BARD1: variants seen among roughly 807,000 people sequenced by gnomAD.
BARD1 encodes the protein BRCA1-associated RING domain protein 1.
In BARD1, 73 loss-of-function variants were observed where a neutral mutation model predicts 77.0. That is an observed-to-expected ratio of 0.95 (90% CI 0.79 to 1.15). The LOEUF is 1.15. Among genes scored for constraint, BARD1 ranks in the 50% most tolerant of loss-of-function variants. The probability of loss-of-function intolerance (pLI) is 0.00; values close to 1 mark genes in which losing one functional copy is unlikely to be tolerated. For synonymous variants in BARD1, 384 were observed against 338.0 expected (o/e 1.14, Z -1.49); for missense variants, 993 against 938.8 (o/e 1.06, Z -0.75).
chr2:214,800,553 G>A (rs1695971238), intron 1 of BARD1, among the ~76,000 whole-genome samples: 1 of 152,070 alleles, frequency 6.6e-6, no homozygotes. Context: ...TGTATCTTTA[G>A]AAAAACTTTT....
intron 7 of BARD1, among the ~76,000 whole-genome samples, chr2:214,747,944 C>CT (rs537280288): frequency 2.0e-4 from 31 of 151,700 alleles, no homozygotes; most frequent in African/African-American, 7.5e-4. Flanking sequence ...TTCAATTACT[C>CT]TTTGATAATA....
At chr2:214,778,603 C>T in intron 4 of BARD1, among the ~76,000 whole-genome samples, 1 of 152,068 alleles carries the variant, frequency 6.6e-6, no homozygotes, top group East Asian at 1.9e-4. Context: ...CTTCACATGC[C>T]TAGACCAAGA....
intron 7 of BARD1, among the ~76,000 whole-genome samples, chr2:214,746,644 TAA>T (rs1398401733): frequency 6.6e-6 from 1 of 152,152 alleles, no homozygotes; most frequent in Non-Finnish European, 1.5e-5. Context: ...ATTCAGCACT[TAA>T]AAGTTCAGCT....
At chr2:214,808,243 A>G (rs1184670292) in intron 1 of BARD1, among the ~76,000 whole-genome samples, 4 of 152,172 alleles carry the variant, frequency 2.6e-5, no homozygotes, top group Non-Finnish European at 4.4e-5. Flanking sequence ...CCCCATCTGT[A>G]CTAAAAATAC....
chr2:214,809,509 G>C lies in BARD1; in HGVS notation c.61C>G (p.Arg21Gly), dbSNP rs864622206. 5.0e-6 allele frequency: 8 copies of C among 1,600,886 alleles called. No homozygotes were observed. The African/African-American group carries it at 1.1e-4, about 21-fold the overall frequency. ...TCCGGTTCCATGGCGGGCGCGGAACGAGGCTCGTTCCCGGAGCGGATCCTC... is the reference window on the plus strand; with the variant it reads ...TCCGGTTCCATGGCGGGCGCGGAACCAGGCTCGTTCCCGGAGCGGATCCTC... ...QPRIRSGNEP[R>G]SAPAMEPDGR... Residue 21 changes from arginine (R) to glycine (G), a missense_variant, in exon 1 of 11, where the codon CGT (arginine) becomes GGT (glycine). Transcript: ENST00000260947.
At chr2:214,791,045 A>T (rs1695488759) in intron 3 of BARD1, among the ~76,000 whole-genome samples, 1 of 152,084 alleles carries the variant, frequency 6.6e-6, no homozygotes, top group African/African-American at 2.4e-5. Context: ...ATTTTTCTTC[A>T]GTGTGTTCTT....
rs16852743 is a variant in BARD1, at chr2:214,781,620, T to C, written c.365-111A>G. On this transcript the variant is annotated intron_variant, in intron 3 of 10. Coordinates refer to ENST00000260947, the MANE Select transcript of BARD1 (RefSeq NM_000465.4). ...CCTAAAGTGTATCATCTTTTAATTATGTACTTCTTTCTCAGCTCCTAGAGT... is the reference window on the plus strand; with the variant it reads ...CCTAAAGTGTATCATCTTTTAATTACGTACTTCTTTCTCAGCTCCTAGAGT... 150 of 800,722 alleles carry C rather than the reference T, an allele frequency of 1.9e-4. 1 individual carries two copies. In the East Asian group the frequency reaches 3.6e-3, roughly 19 times the overall value. The allele number at this position is 800,722 out of a possible 1,614,324, so 49.6% of individuals were successfully genotyped here. A position where few individuals can be genotyped will look rare whatever the true frequency, so the allele number is the denominator to read the frequency against.
chr2:214,806,476 TC>T (rs1696276220), intron 1 of BARD1, among the ~76,000 whole-genome samples: 1 of 152,198 alleles, frequency 6.6e-6, no homozygotes, highest in Admixed American at 6.5e-5. Flanking sequence ...ACAATGCTTT[TC>T]CTCCTTGAGT....
At chr2:214,774,713 A>G (rs1694663261) in intron 4 of BARD1, among the ~76,000 whole-genome samples, 1 of 152,198 alleles carries the variant, frequency 6.6e-6, no homozygotes, top group Non-Finnish European at 1.5e-5. Context: ...CTTTCTAGCT[A>G]TGAAAGACAC....
In BARD1 at chr2:214,792,314, T is replaced by C. The variant is rs773211367; in HGVS notation, c.347A>G (p.His116Arg). The change falls in exon 3 of 11, where the codon CAT (histidine) becomes CGT (arginine). Residue 116 changes from histidine (H) to arginine (R), a missense_variant. Transcript: ENST00000260947. ...GTTCTTACCTGACAGCTCATTGTCA[T>C]GTAGCAAATTTCGAAGCTTACTACA... ...QLCSKLRNLLHDNELSDLKED... is the reference protein window; with the variant it reads ...QLCSKLRNLLRDNELSDLKED... The C allele has an allele frequency of 6.2e-7, 1 of 1,613,404 alleles. No individual in the cohort carries two copies. The highest frequency in any genetic ancestry group is 1.3e-5 in the African/African-American group (1 of 74,856).
intron 6 of BARD1, among the ~76,000 whole-genome samples, chr2:214,756,471 C>G (rs1693698388): frequency 6.6e-6 from 1 of 152,186 alleles, no homozygotes; most frequent in South Asian, 2.1e-4. Context: ...AGCAATCCCA[C>G]TACTGGGTGT....
chr2:214,749,960 T>C lies in BARD1; in HGVS notation c.1677+2487A>G, dbSNP rs192068040. Among the ~76,000 whole-genome samples the C allele has an allele frequency of 2.1e-4, 32 of 152,194 alleles. No individual in the cohort carries two copies. In the East Asian group the frequency reaches 3.3e-3, roughly 16 times the overall value. On this transcript the variant is annotated intron_variant, in intron 7 of 10. Transcript: ENST00000260947. ...AGGCTGAAGTCTAAAGCAGAAGACA[T>C]AGGGTTTTCAAGATATGAAAGCAAC... is the stretch of plus-strand genomic sequence containing the variant.
intron 6 of BARD1, among the ~76,000 whole-genome samples, chr2:214,758,432 A>G (rs1371692478): frequency 6.6e-6 from 1 of 152,214 alleles, no homozygotes; most frequent in African/African-American, 2.4e-5. Context: ...CAGAATGAAG[A>G]TAAGGGCACA....
intron 7 of BARD1, 99 bp downstream of exon 7, chr2:214,752,348 A>C (rs1693492997): frequency 1.1e-6 from 1 of 942,200 alleles, no homozygotes; most frequent in Non-Finnish European, 1.7e-6. Flanking sequence ...TGTTTGGTGA[A>C]TGTAAGCAAT....
At chr2:214,780,011 G>A (rs114526835) in intron 4 of BARD1, among the ~76,000 whole-genome samples, 136 of 152,188 alleles carry the variant, frequency 8.9e-4, no homozygotes, top group African/African-American at 3.0e-3. Flanking sequence ...GAGAATGAAC[G>A]TCAATGAACA....
chr2:214,728,487 C>A lies in BARD1; in HGVS notation c.*189G>T. ...AAAAAGAAAAACCTTTAAAAGCAATCCCAGCTTCTAAATGGTAAACATAAC... is the reference window on the plus strand; with the variant it reads ...AAAAAGAAAAACCTTTAAAAGCAATACCAGCTTCTAAATGGTAAACATAAC... On this transcript the variant is annotated 3_prime_UTR_variant, in exon 11 of 11. Transcript: ENST00000260947. 1 of 629,610 alleles carries A rather than the reference C, an allele frequency of 1.6e-6. No homozygotes were observed. The highest frequency in any genetic ancestry group is 2.1e-5 in the South Asian group (1 of 47,898). The allele number at this position is 629,610 out of a possible 1,614,324, so 39.0% of individuals were successfully genotyped here. A position where few individuals can be genotyped will look rare whatever the true frequency, so the allele number is the denominator to read the frequency against.
Position 214,801,517 on chromosome 2 carries a change from G to A in BARD1, c.159-4400C>T, listed in dbSNP as rs74944505. 2.3e-3 allele frequency among the ~76,000 whole-genome samples: 348 copies of A among 152,172 alleles called. 5 individuals carry two copies. Among genetic ancestry groups the A allele is most frequent in the African/African-American group, 8.0e-3 (332 of 41,504 alleles). On this transcript the variant is annotated intron_variant, in intron 1 of 10. Coordinates refer to ENST00000260947, the MANE Select transcript of BARD1 (RefSeq NM_000465.4). ...ACTATTAAAAAGTTCTTCACAATCT[G>A]TAACACCTAAGCCATGCAACCTTTT... is the stretch of plus-strand genomic sequence containing the variant.
At chr2:214,773,210 A>G (rs1694589643) in intron 4 of BARD1, among the ~76,000 whole-genome samples, 1 of 152,222 alleles carries the variant, frequency 6.6e-6, no homozygotes, top group African/African-American at 2.4e-5. Flanking sequence ...ACTTTTCCTT[A>G]TTATAAATGT....
chr2:214,730,627 A>G (rs1692315147), intron 9 of BARD1, 119 bp from the exon 10 acceptor site: 1 of 784,422 alleles, frequency 1.3e-6, no homozygotes, highest in Non-Finnish European at 2.2e-6. Flanking sequence ...TTTAAGTATT[A>G]TTCTAAAATG....
Sources: allele counts gnomAD v4.1 joint callset (sites outside exome capture counted in the v4.1 genomes callset), GRCh38; gene constraint gnomAD v4.1.1; transcripts MANE v1.5; gene names NCBI Gene and HGNC (gene_info 2026-07-23, HGNC 2026-07-21).